CNTNAP2: variants seen among roughly 807,000 people sequenced by gnomAD.
The protein encoded by CNTNAP2 is contactin-associated protein-like 2.
CNTNAP2 carries 98 observed loss-of-function variants against 155.2 expected under a neutral mutation model. That is an observed-to-expected ratio of 0.63 (90% confidence interval 0.54 to 0.75). The LOEUF is 0.75. CNTNAP2 is among the 30% of genes least tolerant of loss of function. The pLI, the probability that CNTNAP2 is intolerant of heterozygous loss-of-function variation, is 0.00. For synonymous variants in CNTNAP2, 651 were observed against 631.2 expected, an observed-to-expected ratio of 1.03 and a Z score of -0.47; for missense variants, 1,727 against 1,688.1, an observed-to-expected ratio of 1.02 and a Z score of -0.40.
At chr7:146,869,630 CTG>C (rs2129206943) in intron 3 of CNTNAP2, among the ~76,000 whole-genome samples, 1 of 152,266 alleles carries the variant, frequency 6.6e-6, no homozygotes, top group South Asian at 2.1e-4. Flanking sequence ...AGTCTTCAGT[CTG>C]TGGCCAAAGG....
intron 1 of CNTNAP2, among the ~76,000 whole-genome samples, chr7:146,135,779 A>T (rs1418911999): frequency 6.6e-6 from 1 of 152,112 alleles, no homozygotes; most frequent in Non-Finnish European, 1.5e-5. Context: ...ATACCTATGT[A>T]ATTGATAATA....
At chr7:147,086,277 A>G (rs1563071760) in intron 4 of CNTNAP2, among the ~76,000 whole-genome samples, 2 of 152,210 alleles carry the variant, frequency 1.3e-5, no homozygotes, top group Non-Finnish European at 2.9e-5. Flanking sequence ...GTTTACAGAA[A>G]ATAAACAAAA....
intron 4 of CNTNAP2, among the ~76,000 whole-genome samples, chr7:147,102,915 G>A (rs921068090): frequency 1.1e-4 from 17 of 152,118 alleles, no homozygotes; most frequent in African/African-American, 3.4e-4. Flanking sequence ...ATACATTCTT[G>A]CCCACCACCA....
intron 1 of CNTNAP2, among the ~76,000 whole-genome samples, chr7:146,534,239 T>C (rs895814557): frequency 6.6e-6 from 1 of 152,124 alleles, no homozygotes; most frequent in Admixed American, 6.6e-5. Context: ...GAACTTGATT[T>C]TTTTCTGTGG....
At chr7:146,177,571 T>C (rs1798487764) in intron 1 of CNTNAP2, among the ~76,000 whole-genome samples, 1 of 152,346 alleles carries the variant, frequency 6.6e-6, no homozygotes, top group South Asian at 2.1e-4. Flanking sequence ...TTTTAAAGAA[T>C]GCCTCAAATT....
rs145669608 is a variant in CNTNAP2 at position 146,998,978 on chromosome 7, A to G, written c.403-44929A>G. On this transcript the variant is annotated intron_variant, in intron 3 of 23. Coordinates refer to ENST00000361727, the MANE Select transcript of CNTNAP2 (RefSeq NM_014141.6). ...CAGCTATTCAGTGTCTTTTCATTAG[A>G]GAATTTTTTTATTATTTATATGTAG... Among the ~76,000 whole-genome samples, 538 of 151,970 alleles carry G rather than the reference A, an allele frequency of 3.5e-3. 9 individuals are homozygous for G. The highest frequency in any genetic ancestry group is 0.012 in the African/African-American group (506 of 41,506).
rs563988994 is a variant in CNTNAP2, at chr7:147,267,577, C to T, written c.1349-32564C>T. The stretch of plus-strand genomic sequence containing the variant: ...TAACACATTTTTTTTTTTCTGAATT[C>T]CTATAATAGTGCTGCTATCCACGCA... On this transcript the variant is annotated intron_variant, in intron 8 of 23. Transcript: ENST00000361727. Among the ~76,000 whole-genome samples the T allele has an allele frequency of 1.7e-4, 26 of 151,524 alleles. 1 individual carries two copies. The East Asian group carries it at 4.5e-3, about 26-fold the overall frequency.
chr7:148,037,260 A>G (rs1002072176), intron 15 of CNTNAP2, among the ~76,000 whole-genome samples: 2 of 152,154 alleles, frequency 1.3e-5, no homozygotes, highest in African/African-American at 2.4e-5. Context: ...ATCTCAAACT[A>G]TGTCGAAATC....
chr7:147,416,658 G>T (rs1797198444), intron 10 of CNTNAP2, among the ~76,000 whole-genome samples: 1 of 152,166 alleles, frequency 6.6e-6, no homozygotes, highest in South Asian at 2.1e-4. Flanking sequence ...TCAACATATG[G>T]TTCGGCTGCT....
chr7:147,914,899 A>G (rs949310655), intron 14 of CNTNAP2, among the ~76,000 whole-genome samples: 1 of 152,182 alleles, frequency 6.6e-6, no homozygotes, highest in East Asian at 1.9e-4. Context: ...ACATGCATAC[A>G]TAATTTCTAG....
intron 2 of CNTNAP2, among the ~76,000 whole-genome samples, chr7:146,792,937 A>G (rs1802700122): frequency 6.6e-6 from 1 of 152,206 alleles, no homozygotes. Context: ...CTGGTAAAAT[A>G]CATGGTGAGC....
chr7:148,206,518 T>C (rs1464260886), intron 18 of CNTNAP2, among the ~76,000 whole-genome samples: 1 of 152,206 alleles, frequency 6.6e-6, no homozygotes, highest in Non-Finnish European at 1.5e-5. Flanking sequence ...AAGACCTTCC[T>C]GGCCTCAATC....
At chr7:147,837,758 A>C (rs569907736) in intron 13 of CNTNAP2, among the ~76,000 whole-genome samples, 8 of 152,340 alleles carry the variant, frequency 5.3e-5, no homozygotes, top group African/African-American at 1.9e-4. Flanking sequence ...AAAATCCAGC[A>C]GGGCTGTCAA....
chr7:148,082,077 A>G (rs961278967), intron 15 of CNTNAP2, among the ~76,000 whole-genome samples: 6 of 151,990 alleles, frequency 3.9e-5, no homozygotes, highest in Non-Finnish European at 7.4e-5. Flanking sequence ...CTCCCAAAGC[A>G]CTGGGATTAC....
intron 19 of CNTNAP2, among the ~76,000 whole-genome samples, chr7:148,223,433 G>T (rs536477049): frequency 4.0e-4 from 61 of 152,282 alleles, no homozygotes; most frequent in Middle Eastern, 3.4e-3. Context: ...GACCAGGAGA[G>T]AATAAATCTG....
At chr7:148,153,287 A>G (rs1225995522) in intron 17 of CNTNAP2, among the ~76,000 whole-genome samples, 2 of 151,518 alleles carry the variant, frequency 1.3e-5, no homozygotes, top group Non-Finnish European at 2.9e-5. Context: ...CTGCACATCT[A>G]AAATATAATT....
chr7:146,780,435 C>T (rs543393079), intron 2 of CNTNAP2, among the ~76,000 whole-genome samples: 20 of 152,038 alleles, frequency 1.3e-4, no homozygotes, highest in Non-Finnish European at 2.5e-4. Flanking sequence ...GTGATCCACC[C>T]GCCTCGGCCT....
At chr7:146,160,199 G>A (rs1201180447) in intron 1 of CNTNAP2, among the ~76,000 whole-genome samples, 2 of 152,120 alleles carry the variant, frequency 1.3e-5, no homozygotes, top group African/African-American at 2.4e-5. Context: ...AGCAGTGTGT[G>A]CAGGGAAATT....
chr7:147,298,520 ATACT>A (rs1370072818), intron 8 of CNTNAP2, among the ~76,000 whole-genome samples: 3 of 152,196 alleles, frequency 2.0e-5, no homozygotes, highest in East Asian at 3.9e-4. Context: ...ATGTGTAATA[ATACT>A]TACTATGAGT....
Sources: allele counts gnomAD v4.1 joint callset (sites outside exome capture counted in the v4.1 genomes callset), GRCh38; gene constraint gnomAD v4.1.1; transcripts MANE v1.5; gene names NCBI Gene and HGNC (gene_info 2026-07-23, HGNC 2026-07-21).